The following CADPS variants were observed in gnomAD, a reference collection of about 807,000 sequenced individuals.
CADPS encodes the protein calcium-dependent secretion activator 1.
In CADPS, 57 loss-of-function variants were observed where a neutral mutation model predicts 167.3. That is an observed-to-expected ratio of 0.34 (90% CI 0.28 to 0.42). CADPS has a LOEUF of 0.42. CADPS is among the 20% of genes least tolerant of loss of function. The pLI, the probability that CADPS is intolerant of heterozygous loss-of-function variation, is 1.00. For synonymous variants in CADPS, 676 were observed against 635.3 expected (o/e 1.06, Z -0.96); for missense variants, 1,414 against 1,738.1 (o/e 0.81, Z 3.32).
At chr3:62,404,513 T>G (rs1264055703) in intron 28 of CADPS, 2 of 152,264 alleles carry the variant, frequency 1.3e-5, no homozygotes, top group Non-Finnish European at 2.9e-5. Context: ...AACTGCCAAG[T>G]TTCACCTTGC....
At chr3:62,410,381 A>G (rs1395981666) in intron 28 of CADPS, among the ~76,000 whole-genome samples, 1 of 152,246 alleles carries the variant, frequency 6.6e-6, no homozygotes, top group Non-Finnish European at 1.5e-5. Flanking sequence ...TGGGCAGTTC[A>G]TGTCTAAATT....
intron 13 of CADPS, among the ~76,000 whole-genome samples, chr3:62,519,838 C>T (rs902108130): frequency 6.6e-6 from 1 of 151,936 alleles, no homozygotes; most frequent in Non-Finnish European, 1.5e-5. Context: ...AGTTAGATAA[C>T]AGGATGAATT....
chr3:62,585,412 G>T, intron 7 of CADPS, 88 bp from the exon 8 acceptor site: 1 of 1,353,656 alleles, frequency 7.4e-7, no homozygotes, highest in South Asian at 1.4e-5. Flanking sequence ...GTAGTGGAGT[G>T]ACTTGAACAA....
chr3:62,681,413 G>C lies in CADPS; in HGVS notation c.889-19019C>G, dbSNP rs564743865. Among the ~76,000 whole-genome samples the C allele has an allele frequency of 4.6e-4, 70 of 152,182 alleles. 1 individual carries two copies. Among genetic ancestry groups the C allele is most frequent in the African/African-American group, 1.7e-3 (70 of 41,522 alleles). Reference sequence around the variant, plus strand: ...TTTTGCTCAACATCATAACCTTAGAGACTGGCACAGGGCCTGGCCTGTGTT... The same window carrying C: ...TTTTGCTCAACATCATAACCTTAGACACTGGCACAGGGCCTGGCCTGTGTT... On this transcript the variant is annotated intron_variant, in intron 3 of 29. Coordinates refer to ENST00000383710, the MANE Select transcript of CADPS (RefSeq NM_003716.4).
At chr3:62,535,996 A>T (rs945578151) in intron 12 of CADPS, 6 of 152,812 alleles carry the variant, frequency 3.9e-5, no homozygotes, top group African/African-American at 1.4e-4. Context: ...AGCTTATGAA[A>T]AATAAAGTTT....
intron 23 of CADPS, among the ~76,000 whole-genome samples, chr3:62,477,462 A>G (rs573391644): frequency 4.1e-4 from 63 of 152,298 alleles, no homozygotes; most frequent in Non-Finnish European, 6.9e-4. Context: ...GAGACACTCC[A>G]TGAGGAAAGG....
chr3:62,861,676 G>A (rs1349272703), intron 1 of CADPS, among the ~76,000 whole-genome samples: 1 of 152,128 alleles, frequency 6.6e-6, no homozygotes, highest in East Asian at 1.9e-4. Context: ...CAATGGTCAT[G>A]TCGTTGTCCT....
intron 11 of CADPS, among the ~76,000 whole-genome samples, chr3:62,547,663 C>A (rs372716478): frequency 1.1e-4 from 14 of 132,736 alleles, no homozygotes; most frequent in East Asian, 7.5e-4. Flanking sequence ...CTTATTTCAA[C>A]TAGAGTAGTG....
chr3:62,692,642 C>T (rs1280822052), intron 3 of CADPS, among the ~76,000 whole-genome samples: 2 of 152,104 alleles, frequency 1.3e-5, no homozygotes, highest in Non-Finnish European at 2.9e-5. Context: ...TTTCAACTCT[C>T]ACTGCCATCA....
intron 1 of CADPS, among the ~76,000 whole-genome samples, chr3:62,791,678 G>C (rs527833649): frequency 1.9e-3 from 296 of 152,250 alleles, no homozygotes; most frequent in Non-Finnish European, 3.5e-3. Flanking sequence ...ATGGCACCAG[G>C]CACCGGATAA....
At chr3:62,839,309 C>G (rs541998926) in intron 1 of CADPS, among the ~76,000 whole-genome samples, 31 of 152,190 alleles carry the variant, frequency 2.0e-4, no homozygotes, top group Non-Finnish European at 4.0e-4. Flanking sequence ...ATTATCCTGC[C>G]TCAGGAGAGT....
At chr3:62,539,088 T>A (rs1238912834) in intron 11 of CADPS, among the ~76,000 whole-genome samples, 2 of 152,174 alleles carry the variant, frequency 1.3e-5, no homozygotes, top group Non-Finnish European at 1.5e-5. Flanking sequence ...TTTCCCTTCT[T>A]CCTTTCTTTC....
At chr3:62,693,176 G>A (rs1295072502) in intron 3 of CADPS, among the ~76,000 whole-genome samples, 1 of 151,922 alleles carries the variant, frequency 6.6e-6, no homozygotes, top group Non-Finnish European at 1.5e-5. Context: ...TCTTAGAGGG[G>A]TCCTCCCTGA....
chr3:62,803,462 A>T (rs1343035209), intron 1 of CADPS, among the ~76,000 whole-genome samples: 1 of 151,438 alleles, frequency 6.6e-6, no homozygotes. Flanking sequence ...TGAGGGGGAG[A>T]CTGCTACTGG....
intron 4 of CADPS, among the ~76,000 whole-genome samples, chr3:62,660,426 C>T (rs1419999781): frequency 6.6e-6 from 1 of 152,134 alleles, no homozygotes; most frequent in African/African-American, 2.4e-5. Flanking sequence ...AAAGCGTAAC[C>T]TTTTATAATA....
At chr3:62,443,828 A>C (rs1435821888) in intron 27 of CADPS, among the ~76,000 whole-genome samples, 1 of 152,154 alleles carries the variant, frequency 6.6e-6, no homozygotes, top group African/African-American at 2.4e-5. Flanking sequence ...AAATGGACTA[A>C]TGCACCTAAC....
At chr3:62,645,134 G>A (rs1007222246) in intron 6 of CADPS, among the ~76,000 whole-genome samples, 1 of 152,094 alleles carries the variant, frequency 6.6e-6, no homozygotes, top group Admixed American at 6.5e-5. Flanking sequence ...TCACTAATAA[G>A]TGGGACCAAA....
intron 1 of CADPS, among the ~76,000 whole-genome samples, chr3:62,873,617 C>CTTTT (rs3047307): frequency 0.13 from 16,535 of 132,084 alleles, 1,333 homozygotes; most frequent in African/African-American, 0.2. Context: ...AAATAGGCGC[C>CTTTT]TTTTTTTTTT....
intron 18 of CADPS, 69 bp from the exon 19 acceptor site, chr3:62,493,734 A>G (rs2064144717): frequency 4.0e-6 from 5 of 1,256,628 alleles, no homozygotes; most frequent in African/African-American, 1.5e-5. Context: ...GGCTGGAAAT[A>G]GACACCTGCT....
Sources: allele counts gnomAD v4.1 joint callset (sites outside exome capture counted in the v4.1 genomes callset), GRCh38; gene constraint gnomAD v4.1.1; transcripts MANE v1.5; gene names NCBI Gene and HGNC (gene_info 2026-07-23, HGNC 2026-07-21).